Variants in CCDC68 observed in about 807,000 individuals in gnomAD.
CCDC68 encodes coiled-coil domain-containing protein 68.
Under a neutral mutation model 47.1 loss-of-function variants are expected in CCDC68, and 45 were observed. That is an observed-to-expected ratio of 0.96 (90% CI 0.75 to 1.23). The LOEUF is 1.23. Among genes scored for constraint, CCDC68 ranks in the 50% most tolerant of loss-of-function variants. The pLI, the probability that CCDC68 is intolerant of heterozygous loss-of-function variation, is 0.00. For synonymous variants in CCDC68, 131 were observed against 129.5 expected, an observed-to-expected ratio of 1.01 and a Z score of -0.08; for missense variants, 353 against 373.6, an observed-to-expected ratio of 0.94 and a Z score of 0.45.
intron 8 of CCDC68, among the ~76,000 whole-genome samples, chr18:54,920,825 C>A (rs937554228): frequency 6.6e-6 from 1 of 152,110 alleles, no homozygotes; most frequent in Non-Finnish European, 1.5e-5. Context: ...ACCATTCAAC[C>A]CAACAATCCC....
In CCDC68 at chr18:54,903,755, A is replaced by G. The variant is rs564639839; in HGVS notation, c.*603T>C. 5 of 152,322 alleles carry G rather than the reference A, an allele frequency of 3.3e-5. No homozygotes were observed. Among genetic ancestry groups the G allele is most frequent in the Admixed American group, 2.6e-4 (4 of 15,294 alleles). The allele number at this position is 152,322 out of a possible 1,614,324, so 9.4% of individuals were successfully genotyped here. A position where few individuals can be genotyped will look rare whatever the true frequency, so the allele number is the denominator to read the frequency against. ...CCATGATTCTCAACTTCAGAGGGGC[A>G]TATGGGTTGGGGAATTAGCTAAAAG... On this transcript the variant is annotated 3_prime_UTR_variant, in exon 12 of 12. Transcript: ENST00000591504.
rs1913797848 is a variant in CCDC68, at chr18:54,903,468, T to G, written c.*890A>C. 6.6e-6 allele frequency: 1 copy of G among 152,226 alleles called. No individual in the cohort carries two copies. The highest frequency in any genetic ancestry group is 2.4e-5 in the African/African-American group (1 of 41,460). 9.4% of individuals were successfully genotyped at this position (152,226 alleles called of 1,614,324 possible). ...TTCCAATTCATAAATTCAGATTCTT[T>G]CTGGCTGCAGACAGCAGTCATTATT... On this transcript the variant is annotated 3_prime_UTR_variant, in exon 12 of 12. Transcript: ENST00000591504.
At chr18:54,953,088 C>T (rs186859330) in intron 1 of CCDC68, among the ~76,000 whole-genome samples, 1 of 151,816 alleles carries the variant, frequency 6.6e-6, no homozygotes, top group African/African-American at 2.4e-5. Flanking sequence ...CTAACTGAAA[C>T]AGCCAAATTC....
intron 8 of CCDC68, among the ~76,000 whole-genome samples, chr18:54,927,998 C>T (rs748304988): frequency 1.7e-4 from 26 of 152,128 alleles, no homozygotes; most frequent in Non-Finnish European, 7.4e-5. Flanking sequence ...CAATTCTGTC[C>T]ATAATGGTGC....
At chr18:54,930,631 CT>C (rs1568147387) in intron 7 of CCDC68, among the ~76,000 whole-genome samples, 8 of 15,118 alleles carry the variant, frequency 5.3e-4, no homozygotes, top group Admixed American at 6.1e-4. Flanking sequence ...CTTCCCCTCC[CT>C]CCCTCCCTCC....
At chr18:54,918,039 C>A in intron 9 of CCDC68, 43 bp from the exon 10 acceptor site, 1 of 806,330 alleles carries the variant, frequency 1.2e-6, no homozygotes, top group Non-Finnish European at 2.0e-6. Context: ...TGTCAGACCA[C>A]AGGAAATAGT....
chr18:54,928,779 T>G lies in CCDC68; in HGVS notation c.683+21A>C, dbSNP rs778079343. The stretch of plus-strand genomic sequence containing the variant: ...GAAAGAAATCAGGAACTGCCTTTAC[T>G]TAACAGGTAGCTTCACAAACCTTTT... On this transcript the variant is annotated intron_variant, in intron 8 of 11. Coordinates refer to ENST00000591504, the MANE Select transcript of CCDC68 (RefSeq NM_025214.3). The G allele has an allele frequency of 4.5e-6, 7 of 1,545,530 alleles. No individual in the cohort carries two copies. The African/African-American group carries it at 6.8e-5, about 15-fold the overall frequency.
intron 5 of CCDC68, 128 bp from the exon 6 acceptor site, chr18:54,937,086 T>C (rs996465409): frequency 4.9e-6 from 4 of 809,374 alleles, no homozygotes; most frequent in African/African-American, 1.7e-5. Flanking sequence ...AGACAATGGA[T>C]ACGAGAGAAG....
At chr18:54,944,288 A>G (rs1052459749) in intron 2 of CCDC68, among the ~76,000 whole-genome samples, 3 of 151,996 alleles carry the variant, frequency 2.0e-5, no homozygotes, top group Non-Finnish European at 4.4e-5. Flanking sequence ...ATTATTATTT[A>G]CTATAATAAA....
chr18:54,918,798 C>T (rs921528441), intron 9 of CCDC68, among the ~76,000 whole-genome samples: 46 of 152,300 alleles, frequency 3.0e-4, no homozygotes, highest in Middle Eastern at 3.4e-3. Context: ...ATACACACTC[C>T]GCCATCTAGC....
At chr18:54,955,329 A>AAC (rs1394333779) in intron 1 of CCDC68, among the ~76,000 whole-genome samples, 22 of 151,828 alleles carry the variant, frequency 1.4e-4, no homozygotes, top group African/African-American at 3.9e-4. Flanking sequence ...CGTCTTGAAA[A>AAC]ACACACACAC....
intron 11 of CCDC68, among the ~76,000 whole-genome samples, chr18:54,905,283 T>TGGAGG (rs1913923013): frequency 1.2e-5 from 1 of 80,860 alleles, no homozygotes; most frequent in Non-Finnish European, 2.4e-5. Flanking sequence ...TGAAAGGAAG[T>TGGAGG]GGAGGGGAGG....
At chr18:54,957,838 T>C (rs940463805) in intron 1 of CCDC68, 1 of 152,220 alleles carries the variant, frequency 6.6e-6, no homozygotes, top group African/African-American at 2.4e-5. Context: ...TTTAAAAGAC[T>C]TTTACATTCC....
intron 7 of CCDC68, among the ~76,000 whole-genome samples, chr18:54,933,263 G>A (rs2044293471): frequency 1.3e-5 from 2 of 151,980 alleles, no homozygotes; most frequent in South Asian, 4.1e-4. Context: ...TGTATTTTTA[G>A]TAGAGACGGG....
intron 1 of CCDC68, among the ~76,000 whole-genome samples, chr18:54,957,611 A>G (rs1304537266): frequency 7.7e-6 from 1 of 129,508 alleles, no homozygotes; most frequent in Non-Finnish European, 1.6e-5. Flanking sequence ...AAAACAATGT[A>G]CACACACACA....
At chr18:54,920,236 C>CTTTTTTTTTTTTTTTTT (rs58528142) in intron 8 of CCDC68, among the ~76,000 whole-genome samples, 1 of 135,236 alleles carries the variant, frequency 7.4e-6, no homozygotes, top group Non-Finnish European at 1.6e-5. Flanking sequence ...TTTCTTTTTT[C>CTTTTTTTTTTTTTTTTT]TTTTTTTTTT....
At position 54,920,003 on chromosome 18, in the gene CCDC68, GAAA is replaced by G. The variant is rs909940152; in HGVS notation, c.684-630_684-628del. On this transcript the variant is annotated intron_variant, in intron 8 of 11. Coordinates refer to ENST00000591504, the MANE Select transcript of CCDC68 (RefSeq NM_025214.3). ...TTTTGAGTCCACATCCATCATTATG[GAAA>G]AAAAAGTCAATTTTGAATTTAGATT... Among the ~76,000 whole-genome samples the G allele has an allele frequency of 6.6e-5, 10 of 151,642 alleles. 1 individual carries two copies. Among genetic ancestry groups the G allele is most frequent in the Admixed American group, 6.6e-4 (10 of 15,236 alleles).
chr18:54,904,528 T>G, intron 11 of CCDC68, 113 bp from the exon 12 acceptor site: 1 of 787,928 alleles, frequency 1.3e-6, no homozygotes, highest in Non-Finnish European at 2.1e-6. Flanking sequence ...CTGAACTAAC[T>G]GCTTTGTTCT....
In CCDC68 at chr18:54,904,289, T is replaced by C; in HGVS notation, c.*69A>G. The C allele has an allele frequency of 8.0e-7, 1 of 1,247,182 alleles. No homozygotes were observed. The highest frequency in any genetic ancestry group is 1.2e-6 in the Non-Finnish European group (1 of 853,904). The allele number at this position is 1,247,182 out of a possible 1,614,324, so 77.3% of individuals were successfully genotyped here. A position where few individuals can be genotyped will look rare whatever the true frequency, so the allele number is the denominator to read the frequency against. ...GCATTTTGCCATTTTAACATGAAAC[T>C]TGGGCTGTGTTTCAGAGAATAAATA... On this transcript the variant is annotated 3_prime_UTR_variant, in exon 12 of 12. Transcript: ENST00000591504.
Sources: allele counts gnomAD v4.1 joint callset (sites outside exome capture counted in the v4.1 genomes callset), GRCh38; gene constraint gnomAD v4.1.1; transcripts MANE v1.5; gene names NCBI Gene and HGNC (gene_info 2026-07-23, HGNC 2026-07-21).